The following TRPS1 variants were observed in gnomAD, a reference collection of about 807,000 sequenced individuals.
The protein encoded by TRPS1 is transcriptional repressor GATA binding 1.
In TRPS1, 6 loss-of-function variants were observed where a neutral mutation model predicts 101.2. That is an observed-to-expected ratio of 0.06 (90% CI 0.03 to 0.12). TRPS1 has a LOEUF of 0.12. TRPS1 is among the 10% of genes least tolerant of loss of function. The pLI is 1.00. For missense variants in TRPS1, 1,363 were observed against 1,567.0 expected, an observed-to-expected ratio of 0.87 and a Z score of 2.20; for synonymous variants, 578 against 589.8, an observed-to-expected ratio of 0.98 and a Z score of 0.29.
chr8:115,561,307 T>C (rs902363292), intron 5 of TRPS1, among the ~76,000 whole-genome samples: 4 of 151,932 alleles, frequency 2.6e-5, no homozygotes, highest in African/African-American at 9.7e-5. Context: ...GTATGTGCAG[T>C]CTGGGGTCTC....
intron 5 of TRPS1, among the ~76,000 whole-genome samples, chr8:115,549,872 A>G (rs189856945): frequency 1.3e-3 from 198 of 152,232 alleles, no homozygotes; most frequent in Admixed American, 5.4e-3. Flanking sequence ...ATAGGTAACA[A>G]ATGTTGCAAG....
chr8:115,633,289 A>C (rs1190884790), intron 1 of TRPS1, among the ~76,000 whole-genome samples: 1 of 152,086 alleles, frequency 6.6e-6, no homozygotes, highest in Admixed American at 6.6e-5. Context: ...CAAGAGAAGA[A>C]AGCAACAGAC....
At chr8:115,562,487 A>T (rs1409355804) in intron 5 of TRPS1, among the ~76,000 whole-genome samples, 1 of 151,524 alleles carries the variant, frequency 6.6e-6, no homozygotes, top group African/African-American at 2.4e-5. Context: ...AACTCAAAAC[A>T]GTTGGTCAGT....
At chr8:115,482,524 C>T (rs1814779586) in intron 5 of TRPS1, among the ~76,000 whole-genome samples, 1 of 152,122 alleles carries the variant, frequency 6.6e-6, no homozygotes, top group Non-Finnish European at 1.5e-5. Flanking sequence ...TCTTCTCTGG[C>T]AAACATCACA....
intron 1 of TRPS1, among the ~76,000 whole-genome samples, chr8:115,645,398 C>T (rs749787403): frequency 5.3e-5 from 8 of 152,028 alleles, no homozygotes; most frequent in South Asian, 2.1e-4. Context: ...TTTTTATTAA[C>T]GAAGTGCTTA....
In TRPS1 at chr8:115,635,837, G is replaced by A. The variant is rs1563660384; in HGVS notation, c.-121-12079C>T. Among the ~76,000 whole-genome samples, 5 of 151,988 alleles carry A rather than the reference G, an allele frequency of 3.3e-5. No individual in the cohort carries two copies. The South Asian group carries it at 1.0e-3, about 31-fold the overall frequency. On this transcript the variant is annotated intron_variant, in intron 1 of 6. Coordinates refer to ENST00000395715, the MANE Select transcript of TRPS1 (RefSeq NM_014112.5). Reference sequence around the variant, plus strand: ...TGTTTGGTTAAATTTTTCAATTCCAGGAAATAAAAGATTAACACATAAATG... The same window carrying A: ...TGTTTGGTTAAATTTTTCAATTCCAAGAAATAAAAGATTAACACATAAATG...
At chr8:115,468,522 T>A in intron 5 of TRPS1, among the ~76,000 whole-genome samples, 1 of 152,164 alleles carries the variant, frequency 6.6e-6, no homozygotes, top group Non-Finnish European at 1.5e-5. Flanking sequence ...ACTCTGTGGT[T>A]ACCGTGTCTC....
chr8:115,416,226 C>T (rs1812915615), intron 6 of TRPS1, among the ~76,000 whole-genome samples: 2 of 151,770 alleles, frequency 1.3e-5, no homozygotes, highest in Non-Finnish European at 2.9e-5. Flanking sequence ...TATTTATGGA[C>T]ATGTTCAACA....
chr8:115,505,795 T>C (rs1382221214), intron 5 of TRPS1, among the ~76,000 whole-genome samples: 1 of 152,090 alleles, frequency 6.6e-6, no homozygotes, highest in Non-Finnish European at 1.5e-5. Context: ...TGGAGGCAAT[T>C]TGAAAGACTG....
intron 1 of TRPS1, among the ~76,000 whole-genome samples, chr8:115,660,244 A>G (rs896897883): frequency 6.6e-6 from 1 of 152,004 alleles, no homozygotes; most frequent in Non-Finnish European, 1.5e-5. Context: ...CTAATCAGGA[A>G]GCACATGTTA....
chr8:115,633,937 T>G (rs1412585788), intron 1 of TRPS1, among the ~76,000 whole-genome samples: 2 of 152,166 alleles, frequency 1.3e-5, no homozygotes, highest in African/African-American at 2.4e-5. Context: ...ACTTTATGCC[T>G]GGTTAATATT....
At chr8:115,423,146 C>T (rs536823612) in intron 5 of TRPS1, among the ~76,000 whole-genome samples, 23 of 152,310 alleles carry the variant, frequency 1.5e-4, no homozygotes, top group African/African-American at 5.3e-4. Context: ...CCCAAAGCTA[C>T]ATGAGGCAGC....
intron 5 of TRPS1, among the ~76,000 whole-genome samples, chr8:115,489,922 C>G (rs1418506657): frequency 6.6e-6 from 1 of 151,840 alleles, no homozygotes; most frequent in African/African-American, 2.4e-5. Context: ...ATTTTTATGC[C>G]ATACATAAAA....
intron 1 of TRPS1, among the ~76,000 whole-genome samples, chr8:115,663,733 A>AAAAC (rs1173468608): frequency 1.3e-5 from 2 of 151,390 alleles, no homozygotes; most frequent in African/African-American, 4.8e-5. Context: ...AAAAAAAAAA[A>AAAAC]AAAAAAAAAA....
At chr8:115,538,482 A>G (rs1308336065) in intron 5 of TRPS1, among the ~76,000 whole-genome samples, 1 of 152,070 alleles carries the variant, frequency 6.6e-6, no homozygotes, top group South Asian at 2.1e-4. Flanking sequence ...GTATTTTTGG[A>G]CATTTTTTGC....
At chr8:115,537,505 T>C (rs1340465894) in intron 5 of TRPS1, among the ~76,000 whole-genome samples, 1 of 152,190 alleles carries the variant, frequency 6.6e-6, no homozygotes, top group Non-Finnish European at 1.5e-5. Context: ...AGACAACTTC[T>C]GCCACAAAAC....
At chr8:115,584,252 T>C (rs1817516513) in intron 5 of TRPS1, among the ~76,000 whole-genome samples, 1 of 152,044 alleles carries the variant, frequency 6.6e-6, no homozygotes, top group South Asian at 2.1e-4. Flanking sequence ...GATTAAGTTT[T>C]ACTTTAGTAT....
intron 5 of TRPS1, among the ~76,000 whole-genome samples, chr8:115,521,328 T>C (rs1815855615): frequency 6.6e-6 from 1 of 151,848 alleles, no homozygotes; most frequent in Admixed American, 6.6e-5. Context: ...GAGATTGTAT[T>C]TTGTAGTTTC....
chr8:115,481,253 A>T (rs1317865073), intron 5 of TRPS1, among the ~76,000 whole-genome samples: 2 of 152,166 alleles, frequency 1.3e-5, no homozygotes, highest in African/African-American at 4.8e-5. Flanking sequence ...AAATTAATGA[A>T]ATTAAGAAGC....
Sources: gnomAD v4.1 joint callset for allele counts (sites outside exome capture counted in the v4.1 genomes callset) on GRCh38, gnomAD v4.1.1 for gene constraint, MANE v1.5 for transcripts, NCBI Gene and HGNC (gene_info 2026-07-23, HGNC 2026-07-21) for gene names.